Variants in SCYL3 observed in about 807,000 individuals in gnomAD.
The protein encoded by SCYL3 is protein-associating with the carboxyl-terminal domain of ezrin.
Under a neutral mutation model 73.8 loss-of-function variants are expected in SCYL3, and 35 were observed. The ratio of observed to expected loss-of-function variants is 0.47; its 90% CI spans 0.36 to 0.63. The LOEUF is 0.63. SCYL3 is among the 20% of genes least tolerant of loss of function. SCYL3 has a pLI of 0.00. For synonymous variants in SCYL3, 277 were observed against 295.2 expected (o/e 0.94, Z 0.63); for missense variants, 712 against 798.9 (o/e 0.89, Z 1.31).
chr1:169,864,532 AG>A (rs750871732), intron 8 of SCYL3, 24 bp from the exon 9 acceptor site: 1 of 1,568,336 alleles, frequency 6.4e-7, no homozygotes, highest in African/African-American at 1.4e-5. Flanking sequence ...GGGAAAGCCC[AG>A]GAAACTGGTC....
At chr1:169,893,341 C>G (rs949880324) in intron 1 of SCYL3, among the ~76,000 whole-genome samples, 1 of 152,148 alleles carries the variant, frequency 6.6e-6, no homozygotes, top group Non-Finnish European at 1.5e-5. Flanking sequence ...GGCGCGCCCC[C>G]AGGATCCCCC....
At position 169,874,057 on chromosome 1, in the gene SCYL3, G is replaced by C. The variant is rs186711986; in HGVS notation, c.466-305C>G. The stretch of plus-strand genomic sequence containing the variant: ...ATCTGATTTCCTTATATGGAAATTA[G>C]AACACTTCTTTCTTTTCCTGCTTAG... On this transcript the variant is annotated intron_variant, in intron 4 of 12. Transcript: ENST00000367771. 3.7e-4 allele frequency among the ~76,000 whole-genome samples: 57 copies of C among 152,196 alleles called. No homozygotes were observed. In the East Asian group the frequency reaches 9.8e-3, roughly 26 times the overall value.
intron 2 of SCYL3, among the ~76,000 whole-genome samples, chr1:169,885,834 G>A (rs1411503317): frequency 6.6e-6 from 1 of 152,130 alleles, no homozygotes; most frequent in East Asian, 1.9e-4. Context: ...TAACATCCAA[G>A]GAAAAAGGAG....
intron 1 of SCYL3, among the ~76,000 whole-genome samples, chr1:169,892,603 G>A (rs1463053051): frequency 2.0e-5 from 3 of 152,188 alleles, no homozygotes; most frequent in African/African-American, 7.2e-5. Flanking sequence ...TCCCGTAATA[G>A]GTATTTCGTA....
Position 169,854,452 on chromosome 1 carries a change from C to CTT in SCYL3, c.1823_1824dup (p.Val609LysfsTer2), listed in dbSNP as rs1429048189. On this transcript the variant is annotated frameshift_variant, in exon 12 of 13. Coordinates refer to ENST00000367771, the MANE Select transcript of SCYL3 (RefSeq NM_020423.7). LOFTEE classifies it high-confidence loss of function. ...GGATCTTTTACTGGCTTCTTTTTTA[C>CTT]TTGAATGGTGAATTCCTCTCCTAAA... is the stretch of plus-strand genomic sequence containing the variant. 1 of 1,613,968 alleles carries CTT rather than the reference C, an allele frequency of 6.2e-7. No homozygotes were observed. Among genetic ancestry groups the CTT allele is most frequent in the Non-Finnish European group, 8.5e-7 (1 of 1,179,994 alleles).
rs1336650887 is a variant in SCYL3 at position 169,888,780 on chromosome 1, G to T, written c.61C>A (p.Pro21Thr). ...GCGGGATAAACAGCAAGTCCAGAGG[G>T]TAAGGTAAATGGTGGTTCTCTCAGT... Reference protein sequence around the residue: ...YTLREPPFTLPSGLAVYPAVL... With the variant: ...YTLREPPFTLTSGLAVYPAVL... The change falls in exon 2 of 13, where the codon CCC becomes ACC. Residue 21 changes from proline (P) to threonine (T), a missense_variant. Around this residue, in one of 2 missense-constraint regions of SCYL3, gnomAD observed 342 missense variants for 448.1 expected, o/e 0.76. Coordinates refer to ENST00000367771, the MANE Select transcript of SCYL3 (RefSeq NM_020423.7). 1.2e-6 allele frequency: 2 copies of T among 1,614,050 alleles called. No homozygotes were observed. Among genetic ancestry groups the T allele is most frequent in the African/African-American group, 2.7e-5 (2 of 75,044 alleles).
At chr1:169,876,485 A>G (rs1024346570) in intron 3 of SCYL3, among the ~76,000 whole-genome samples, 1 of 152,228 alleles carries the variant, frequency 6.6e-6, no homozygotes, top group South Asian at 2.1e-4. Flanking sequence ...CAATGCCTTT[A>G]AAGATAAAAT....
chr1:169,860,170 C>G (rs1402294490), intron 10 of SCYL3: 1 of 152,220 alleles, frequency 6.6e-6, no homozygotes, highest in African/African-American at 2.4e-5. Flanking sequence ...CAAACAAATG[C>G]AGACAGAAGA....
chr1:169,861,760 A>AT (rs1659668507), intron 10 of SCYL3, among the ~76,000 whole-genome samples: 1 of 152,170 alleles, frequency 6.6e-6, no homozygotes, highest in African/African-American at 2.4e-5. Context: ...TTTTAAAACA[A>AT]TTTTTTTAAA....
At chr1:169,855,565 A>G (rs1023449068) in intron 11 of SCYL3, among the ~76,000 whole-genome samples, 2 of 152,228 alleles carry the variant, frequency 1.3e-5, no homozygotes, top group Non-Finnish European at 2.9e-5. Flanking sequence ...GTCTCAAAGT[A>G]AAGTATCAGT....
In SCYL3 at chr1:169,853,168, T is replaced by G; in HGVS notation, c.*545A>C. On this transcript the variant is annotated 3_prime_UTR_variant, in exon 13 of 13. Transcript: ENST00000367771. ...TCTTATTAAGAACTTTGGTACAATG[T>G]ACTACATGTGGAACAGTCAGGAACT... The G allele has an allele frequency of 3.1e-6, 2 of 646,630 alleles. No homozygotes were observed. The highest frequency in any genetic ancestry group is 5.3e-6 in the Non-Finnish European group (2 of 375,558). The allele number at this position is 646,630 out of a possible 1,614,324, so 40.1% of individuals were successfully genotyped here. A position where few individuals can be genotyped will look rare whatever the true frequency, so the allele number is the denominator to read the frequency against.
intron 12 of SCYL3, 141 bp downstream of exon 12, chr1:169,854,129 A>C: frequency 1.5e-6 from 1 of 668,592 alleles, no homozygotes; most frequent in Non-Finnish European, 2.4e-6. Context: ...GATACCAATG[A>C]TAGAAACTGA....
intron 8 of SCYL3, 35 bp from the exon 9 acceptor site, chr1:169,864,543 C>A: frequency 1.3e-6 from 2 of 1,555,524 alleles, no homozygotes; most frequent in South Asian, 2.5e-5. Context: ...GGAAACTGGT[C>A]ATGACACTGT....
chr1:169,886,794 T>TTA lies in SCYL3; in HGVS notation c.165+1880_165+1881dup, dbSNP rs377255706. On this transcript the variant is annotated intron_variant, in intron 2 of 12. Transcript: ENST00000367771. ...CAGATAGAACTAAGTATTTCTCACA[T>TTA]TATTTTGTGGCCAGAGCTTATACCT... Among the ~76,000 whole-genome samples, 651 of 152,336 alleles carry TTA rather than the reference T, an allele frequency of 4.3e-3. 2 individuals carry two copies. Among genetic ancestry groups the TTA allele is most frequent in the African/African-American group, 0.014 (601 of 41,572 alleles).
chr1:169,870,374 CAATT>C lies in SCYL3; in HGVS notation c.523-21_523-18del. 6.5e-7 allele frequency: 1 copy of C among 1,546,238 alleles called. No individual in the cohort carries two copies. The highest frequency in any genetic ancestry group is 8.9e-7 in the Non-Finnish European group (1 of 1,120,582). On this transcript the variant is annotated intron_variant, in intron 5 of 12. Coordinates refer to ENST00000367771, the MANE Select transcript of SCYL3 (RefSeq NM_020423.7). ...TTCTGGAGACTAAAAGCAGTGAAGA[CAATT>C]AAAACTAGAGGATCTGCCTTATAAG...
chr1:169,865,908 A>C (rs1660002768), intron 8 of SCYL3, among the ~76,000 whole-genome samples: 1 of 152,070 alleles, frequency 6.6e-6, no homozygotes, highest in Admixed American at 6.6e-5. Context: ...CCCCCTTATA[A>C]GGTCGGGTGC....
Position 169,852,587 on chromosome 1 carries a change from G to A in SCYL3, c.*1126C>T. The A allele has an allele frequency of 1.7e-6, 1 of 585,308 alleles. No individual in the cohort carries two copies. Among genetic ancestry groups the A allele is most frequent in the Non-Finnish European group, 3.0e-6 (1 of 331,156 alleles). 36.3% of individuals were successfully genotyped at this position (585,308 alleles called of 1,614,324 possible). ...CCACATACAAACTAAGACACTGGTA[G>A]TAGCACTCTGAATTGCTATGATAAA... On this transcript the variant is annotated 3_prime_UTR_variant, in exon 13 of 13. Coordinates refer to ENST00000367771, the MANE Select transcript of SCYL3 (RefSeq NM_020423.7).
Position 169,852,727 on chromosome 1 carries a change from C to A in SCYL3, c.*986G>T, listed in dbSNP as rs971489036. ...ATTTGCATGTAAGCTTTACTCCAGT[C>A]CAAAAGGAAGGTTCTTTATATTTAG... On this transcript the variant is annotated 3_prime_UTR_variant, in exon 13 of 13. Coordinates refer to ENST00000367771, the MANE Select transcript of SCYL3 (RefSeq NM_020423.7). The A allele has an allele frequency of 1.9e-6, 3 of 1,551,182 alleles. No individual in the cohort carries two copies. Among genetic ancestry groups the A allele is most frequent in the Admixed American group, 3.5e-5 (2 of 56,632 alleles).
rs145566052 is a variant in SCYL3 at position 169,855,840 on chromosome 1, T to C, written c.1313-876A>G. ...GTAGTAATCTCGCTGTATGTGCTTC[T>C]TGCTGTTGATGGGCGTGCTGCCAGA... is the stretch of plus-strand genomic sequence containing the variant. On this transcript the variant is annotated intron_variant, in intron 11 of 12. Coordinates refer to ENST00000367771, the MANE Select transcript of SCYL3 (RefSeq NM_020423.7). 1.8e-4 allele frequency: 286 copies of C among 1,613,890 alleles called. 4 individuals are homozygous for C. The African/African-American group carries it at 3.3e-3, about 18-fold the overall frequency.
Sources: gnomAD v4.1 joint callset for allele counts (sites outside exome capture counted in the v4.1 genomes callset) on GRCh38, gnomAD v4.1.1 for gene constraint, gnomAD v4.1.1 regional missense constraint, MANE v1.5 for transcripts, NCBI Gene and HGNC (gene_info 2026-07-23, HGNC 2026-07-21) for gene names.